Variants in NALF1 observed in about 807,000 individuals in gnomAD.
NALF1 encodes the protein NALCN channel auxiliary factor 1, also known as family with sequence similarity 155 member A.
NALF1 carries 3 observed loss-of-function variants against 48.4 expected under a neutral mutation model. The observed-to-expected ratio is 0.06, with a 90% confidence interval of 0.03 to 0.16. NALF1 has a LOEUF of 0.16. Ranked by LOEUF, NALF1 falls within the 10% of genes least tolerant of loss-of-function variation. The probability of loss-of-function intolerance (pLI) is 1.00; values close to 1 mark genes in which losing one functional copy is unlikely to be tolerated. For synonymous variants in NALF1, 262 were observed against 245.7 expected (o/e 1.07, Z -0.62); for missense variants, 526 against 571.5 (o/e 0.92, Z 0.81).
At chr13:107,811,244 A>G (rs1878980930) in intron 1 of NALF1, among the ~76,000 whole-genome samples, 1 of 152,142 alleles carries the variant, frequency 6.6e-6, no homozygotes, top group South Asian at 2.1e-4. Flanking sequence ...ATAGTGTACA[A>G]TTTCATACTT....
At chr13:107,338,107 CT>C (rs1266892671) in intron 1 of NALF1, among the ~76,000 whole-genome samples, 1 of 152,182 alleles carries the variant, frequency 6.6e-6, no homozygotes, top group Admixed American at 6.5e-5. Flanking sequence ...GTGATGACAT[CT>C]TTTTAAACTT....
chr13:107,218,005 C>T (rs1035185658), intron 1 of NALF1, among the ~76,000 whole-genome samples: 5 of 152,274 alleles, frequency 3.3e-5, no homozygotes, highest in African/African-American at 9.6e-5. Flanking sequence ...AGCTCCTAAC[C>T]GATTCACAGC....
intron 1 of NALF1, among the ~76,000 whole-genome samples, chr13:107,831,744 C>T (rs180935085): frequency 8.5e-5 from 13 of 152,240 alleles, no homozygotes; most frequent in African/African-American, 3.1e-4. Context: ...GATGTTTGCG[C>T]GTATTTGCAG....
chr13:107,342,210 CT>C (rs996747823), intron 1 of NALF1, among the ~76,000 whole-genome samples: 1 of 152,034 alleles, frequency 6.6e-6, no homozygotes, highest in African/African-American at 2.4e-5. Context: ...TTTCTATAAG[CT>C]TTTTAAAACA....
chr13:107,240,169 G>C (rs984750762), intron 1 of NALF1, among the ~76,000 whole-genome samples: 14 of 152,110 alleles, frequency 9.2e-5, no homozygotes, highest in Admixed American at 7.2e-4. Context: ...CCTGTGTTTG[G>C]AGATGGGATT....
intron 1 of NALF1, among the ~76,000 whole-genome samples, chr13:107,284,133 A>G (rs969774282): frequency 1.3e-5 from 2 of 152,158 alleles, no homozygotes. Context: ...AAAAGCAGGT[A>G]AGCATTTCTT....
At chr13:107,288,978 T>C (rs1399497433) in intron 1 of NALF1, among the ~76,000 whole-genome samples, 1 of 145,548 alleles carries the variant, frequency 6.9e-6, no homozygotes, top group East Asian at 2.2e-4. Flanking sequence ...AGCAGACACA[T>C]CAAAAAACTG....
At chr13:107,288,841 A>G (rs1881558514) in intron 1 of NALF1, among the ~76,000 whole-genome samples, 1 of 151,782 alleles carries the variant, frequency 6.6e-6, no homozygotes, top group South Asian at 2.1e-4. Context: ...CCCAGAAAAC[A>G]TTTTTTATGT....
At chr13:107,321,213 T>C (rs575516437) in intron 1 of NALF1, among the ~76,000 whole-genome samples, 142 of 152,244 alleles carry the variant, frequency 9.3e-4, no homozygotes, top group African/African-American at 3.3e-3. Flanking sequence ...AACATCCTAA[T>C]GATGGGCCTT....
At chr13:107,506,202 T>TTAATTA (rs1288295179) in intron 1 of NALF1, among the ~76,000 whole-genome samples, 6 of 152,124 alleles carry the variant, frequency 3.9e-5, no homozygotes, top group Non-Finnish European at 8.8e-5. Flanking sequence ...GAGGATGCTG[T>TTAATTA]ATATGAGAAA....
intron 1 of NALF1, among the ~76,000 whole-genome samples, chr13:107,253,755 C>A (rs982050491): frequency 6.6e-6 from 1 of 152,114 alleles, no homozygotes; most frequent in African/African-American, 2.4e-5. Flanking sequence ...GTTCCTGACT[C>A]AGTACCTTTG....
intron 1 of NALF1, among the ~76,000 whole-genome samples, chr13:107,465,313 T>TTATATATATA (rs56340741): frequency 6.7e-6 from 1 of 149,622 alleles, no homozygotes; most frequent in Non-Finnish European, 1.5e-5. Flanking sequence ...AACTGTATAA[T>TTATATATATA]TATATATATA....
At chr13:107,302,365 C>A (rs1210302815) in intron 1 of NALF1, among the ~76,000 whole-genome samples, 1 of 152,094 alleles carries the variant, frequency 6.6e-6, no homozygotes. Flanking sequence ...AGAGGGCTAC[C>A]AAGGAAGTGA....
chr13:107,456,091 C>G (rs570018961), intron 1 of NALF1, among the ~76,000 whole-genome samples: 11 of 152,236 alleles, frequency 7.2e-5, no homozygotes, highest in Admixed American at 2.0e-4. Context: ...CTCTTTTTGA[C>G]TGAAGCCTTA....
chr13:107,330,018 C>A (rs559822152), intron 1 of NALF1, among the ~76,000 whole-genome samples: 11 of 152,102 alleles, frequency 7.2e-5, no homozygotes, highest in Non-Finnish European at 1.6e-4. Context: ...TTCAGAGTTG[C>A]CTTTGGTTCT....
At chr13:107,579,118 G>T (rs1380165620) in intron 1 of NALF1, among the ~76,000 whole-genome samples, 1 of 152,134 alleles carries the variant, frequency 6.6e-6, no homozygotes, top group Non-Finnish European at 1.5e-5. Context: ...TTGAGACAGA[G>T]TCTCACTTTG....
chr13:107,756,435 C>CTATATATATA (rs148971349), intron 1 of NALF1, among the ~76,000 whole-genome samples: 2,620 of 140,968 alleles, frequency 0.019, 48 homozygotes, highest in East Asian at 0.029. Flanking sequence ...AGTTTAATGG[C>CTATATATATA]TATATATATA....
At chr13:107,290,651 G>A (rs943427883) in intron 1 of NALF1, among the ~76,000 whole-genome samples, 5 of 152,048 alleles carry the variant, frequency 3.3e-5, no homozygotes, top group Admixed American at 1.3e-4. Flanking sequence ...ATCCAGTCTC[G>A]CGGGTATGTC....
chr13:107,810,617 A>T (rs1878959123), intron 1 of NALF1, among the ~76,000 whole-genome samples: 1 of 152,162 alleles, frequency 6.6e-6, no homozygotes, highest in Non-Finnish European at 1.5e-5. Context: ...TTTTTCAAAA[A>T]ATCTTCTTCC....
Sources: allele counts gnomAD v4.1 joint callset (sites outside exome capture counted in the v4.1 genomes callset), GRCh38; gene constraint gnomAD v4.1.1; transcripts MANE v1.5; gene names NCBI Gene and HGNC (gene_info 2026-07-23, HGNC 2026-07-21).